COL21A1: variants seen among roughly 807,000 people sequenced by gnomAD.
The protein encoded by COL21A1 is collagen type XXI alpha 1 chain.
COL21A1 carries 149 observed loss-of-function variants against 137.9 expected under a neutral mutation model. The ratio of observed to expected loss-of-function variants is 1.08; its 90% CI spans 0.95 to 1.24. The LOEUF (loss-of-function observed/expected upper bound fraction) is 1.24, where lower values mean the gene tolerates loss of function less well. COL21A1 is among the 50% of genes most tolerant of loss of function. COL21A1 has a pLI of 0.00. For missense variants in COL21A1, 1,167 were observed against 1,158.4 expected (o/e 1.01, Z -0.11); for synonymous variants, 456 against 391.5 (o/e 1.16, Z -1.95).
chr6:56,266,700 A>T (rs1001043132), intron 1 of COL21A1, among the ~76,000 whole-genome samples: 10 of 152,226 alleles, frequency 6.6e-5, no homozygotes, highest in Non-Finnish European at 4.4e-5. Flanking sequence ...AGACAGATAA[A>T]CTCTCCACTT....
intron 16 of COL21A1, among the ~76,000 whole-genome samples, chr6:56,103,630 C>A (rs548558941): frequency 1.3e-5 from 2 of 152,146 alleles, no homozygotes; most frequent in Admixed American, 1.3e-4. Context: ...ACGTAAGTAG[C>A]CATCAGCAAG....
chr6:56,150,981 T>C (rs1308015615), intron 10 of COL21A1, among the ~76,000 whole-genome samples: 1 of 152,142 alleles, frequency 6.6e-6, no homozygotes, highest in Non-Finnish European at 1.5e-5. Flanking sequence ...CCCAGCTCTT[T>C]GGGAGGCCGA....
At chr6:56,371,671 A>G (rs2093988864) in intron 1 of COL21A1, among the ~76,000 whole-genome samples, 1 of 152,212 alleles carries the variant, frequency 6.6e-6, no homozygotes, top group African/African-American at 2.4e-5. Context: ...TCAGCCTCTC[A>G]TTGACATCAG....
chr6:56,201,178 G>A lies in COL21A1; in HGVS notation c.-38-18522C>T, dbSNP rs1480717476. Among the ~76,000 whole-genome samples, 3 of 151,462 alleles carry A rather than the reference G, an allele frequency of 2.0e-5. No individual in the cohort carries two copies. In the East Asian group the frequency reaches 5.8e-4, roughly 29 times the overall value. ...TTGTTTTTTTCTTGTAAATTTGTTG[G>A]AGTTCATTGTAGATTCTGGATATTA... On this transcript the variant is annotated intron_variant, in intron 1 of 29. Transcript: ENST00000244728.
chr6:56,116,582 T>G (rs2152198836), intron 16 of COL21A1, among the ~76,000 whole-genome samples: 1 of 151,900 alleles, frequency 6.6e-6, no homozygotes, highest in African/African-American at 2.4e-5. Flanking sequence ...AAAAGAACAT[T>G]AATGAGCTAT....
At chr6:56,177,031 G>A (rs1297733952) in intron 3 of COL21A1, among the ~76,000 whole-genome samples, 1 of 151,722 alleles carries the variant, frequency 6.6e-6, no homozygotes, top group Non-Finnish European at 1.5e-5. Flanking sequence ...AGAAGAAGAG[G>A]AGGAGGAGGA....
intron 1 of COL21A1, among the ~76,000 whole-genome samples, chr6:56,289,443 G>A (rs1763988465): frequency 6.6e-6 from 1 of 152,154 alleles, no homozygotes; most frequent in South Asian, 2.1e-4. Context: ...CAAACAAACA[G>A]AGCGTGCATC....
intron 16 of COL21A1, among the ~76,000 whole-genome samples, chr6:56,113,194 A>G (rs1771605716): frequency 6.6e-6 from 1 of 152,226 alleles, no homozygotes; most frequent in African/African-American, 2.4e-5. Context: ...GAGGCACACA[A>G]CATACTGAGA....
chr6:56,356,293 A>G lies in COL21A1; in HGVS notation c.-39+37678T>C, dbSNP rs569987893. Among the ~76,000 whole-genome samples, 3 of 152,304 alleles carry G rather than the reference A, an allele frequency of 2.0e-5. No individual in the cohort carries two copies. In the South Asian group the frequency reaches 6.2e-4, roughly 32 times the overall value. ...GGCTAGACTGAGATGTCTCAATCTC[A>G]GCACTATTGACATTTTGGGCCTGAT... On this transcript the variant is annotated intron_variant, in intron 1 of 28. Coordinates refer to the COL21A1 transcript ENST00000370819.
chr6:56,329,803 T>A (rs1182633943), intron 1 of COL21A1, among the ~76,000 whole-genome samples: 1 of 152,070 alleles, frequency 6.6e-6, no homozygotes, highest in Non-Finnish European at 1.5e-5. Context: ...GCTTCATATA[T>A]CAGCATGTGA....
At chr6:56,210,371 G>T (rs750482756) in intron 1 of COL21A1, among the ~76,000 whole-genome samples, 2 of 152,084 alleles carry the variant, frequency 1.3e-5, no homozygotes, top group African/African-American at 4.8e-5. Flanking sequence ...CAAATAAAGA[G>T]AATAAACATT....
Position 56,156,933 on chromosome 6 carries a change from G to A in COL21A1, c.1388C>T (p.Pro463Leu), listed in dbSNP as rs1352058531. The A allele has an allele frequency of 1.2e-6, 2 of 1,611,674 alleles. No individual in the cohort carries two copies. The highest frequency in any genetic ancestry group is 8.5e-7 in the Non-Finnish European group (1 of 1,178,998). Reference protein sequence around the residue: ...LQGPKGDPGLPGNPGYPGQPG... With the variant: ...LQGPKGDPGLLGNPGYPGQPG... ...TTGTCCAGGGTAGCCAGGGTTCCCAGGCAGTCCAGGGTCACCCTAAGCAGG... is the reference window on the plus strand; with the variant it reads ...TTGTCCAGGGTAGCCAGGGTTCCCAAGCAGTCCAGGGTCACCCTAAGCAGG... Residue 463 changes from proline to leucine, a missense_variant, in exon 10 of 30, where the codon CCT (proline) becomes CTT (leucine). Coordinates refer to ENST00000244728, the MANE Select transcript of COL21A1 (RefSeq NM_030820.4).
chr6:56,131,701 T>C (rs1299798107), intron 12 of COL21A1, among the ~76,000 whole-genome samples: 1 of 152,176 alleles, frequency 6.6e-6, no homozygotes, highest in East Asian at 1.9e-4. Context: ...GGAGATGTGA[T>C]TGAAACAAGA....
At position 56,157,852 on chromosome 6, in the gene COL21A1, C is replaced by A. The variant is rs1415700825; in HGVS notation, c.1372-903G>T. On this transcript the variant is annotated intron_variant, in intron 9 of 29. Transcript: ENST00000244728. ...AAGGCCCAGGCCAAACAACCCTATT[C>A]CAAGTCCCATAATTCTTGAATACAT... is the stretch of plus-strand genomic sequence containing the variant. 8.5e-5 allele frequency among the ~76,000 whole-genome samples: 13 copies of A among 152,284 alleles called. No individual in the cohort carries two copies. In the East Asian group the frequency reaches 2.5e-3, roughly 29 times the overall value.
intron 1 of COL21A1, chr6:56,276,630 A>C (rs1245388583): frequency 2.8e-6 from 4 of 1,438,234 alleles, no homozygotes; most frequent in Admixed American, 3.4e-5. Context: ...TATTTCTCAA[A>C]ATCAATTTCT....
In COL21A1 at chr6:56,188,937, G is replaced by A. The variant is rs144943436; in HGVS notation, c.-38-6281C>T. ...ACTAACAAACAGAAAAGAATAGTAC[G>A]TCCACTCAAGGACCCCATCTGAAGG... is the stretch of plus-strand genomic sequence containing the variant. On this transcript the variant is annotated intron_variant, in intron 1 of 29. Coordinates refer to ENST00000244728, the MANE Select transcript of COL21A1 (RefSeq NM_030820.4). Among the ~76,000 whole-genome samples, 354 of 151,936 alleles carry A rather than the reference G, an allele frequency of 2.3e-3. 4 individuals carry two copies. The highest frequency in any genetic ancestry group is 8.0e-3 in the African/African-American group (331 of 41,490).
intron 1 of COL21A1, among the ~76,000 whole-genome samples, chr6:56,274,310 A>G (rs1180283535): frequency 6.6e-6 from 1 of 152,218 alleles, no homozygotes; most frequent in East Asian, 1.9e-4. Context: ...GTAGAACAAG[A>G]CAAGAATGCC....
At chr6:56,391,251 T>C (rs1342803099) in intron 1 of COL21A1, among the ~76,000 whole-genome samples, 1 of 152,004 alleles carries the variant, frequency 6.6e-6, no homozygotes, top group South Asian at 2.1e-4. Context: ...AAAAAGGAAA[T>C]TTTAAAATTT....
chr6:56,316,652 G>A (rs1163457035), intron 1 of COL21A1, among the ~76,000 whole-genome samples: 3 of 151,314 alleles, frequency 2.0e-5, no homozygotes, highest in African/African-American at 7.3e-5. Context: ...TGGCTAATTT[G>A]TGTATTTTTA....
Sources: gnomAD v4.1 joint callset for allele counts (sites outside exome capture counted in the v4.1 genomes callset) on GRCh38, gnomAD v4.1.1 for gene constraint, MANE v1.5 for transcripts, NCBI Gene and HGNC (gene_info 2026-07-23, HGNC 2026-07-21) for gene names.